The following TBC1D4 variants were observed in gnomAD, a reference collection of about 807,000 sequenced individuals.
TBC1D4 encodes the protein TBC (Tre-2, BUB2, CDC16) domain-containing protein.
Under a neutral mutation model 142.5 loss-of-function variants are expected in TBC1D4, and 121 were observed. The ratio of observed to expected loss-of-function variants is 0.85; its 90% CI spans 0.73 to 0.99. TBC1D4 has a LOEUF of 0.99. Among genes scored for constraint, TBC1D4 ranks in the 50% least tolerant of loss-of-function variants. TBC1D4 has a pLI of 0.00. For synonymous variants in TBC1D4, 630 were observed against 628.2 expected (o/e 1.00, Z -0.04); for missense variants, 1,475 against 1,606.6 (o/e 0.92, Z 1.40).
At chr13:75,375,346 A>T (rs968438525) in intron 1 of TBC1D4, among the ~76,000 whole-genome samples, 70 of 152,290 alleles carry the variant, frequency 4.6e-4, no homozygotes, top group African/African-American at 1.6e-3. Context: ...CACATAGGTG[A>T]TAGTTTTCAC....
intron 1 of TBC1D4, among the ~76,000 whole-genome samples, chr13:75,369,380 T>G: frequency 6.6e-6 from 1 of 152,000 alleles, no homozygotes; most frequent in Non-Finnish European, 1.5e-5. Flanking sequence ...TAGCCCCAGC[T>G]AGTTAGGAAG....
At chr13:75,364,515 C>A (rs1274467835) in intron 1 of TBC1D4, among the ~76,000 whole-genome samples, 1 of 152,248 alleles carries the variant, frequency 6.6e-6, no homozygotes, top group Non-Finnish European at 1.5e-5. Flanking sequence ...GTCTCAGGGA[C>A]AAAGTCAGGT....
intron 1 of TBC1D4, among the ~76,000 whole-genome samples, chr13:75,458,880 G>C (rs1887848718): frequency 6.6e-6 from 1 of 151,932 alleles, no homozygotes; most frequent in Admixed American, 6.6e-5. Context: ...GTCTCTGCTT[G>C]GCCTTCCCTT....
chr13:75,414,954 T>C (rs1280551841), intron 1 of TBC1D4, among the ~76,000 whole-genome samples: 1 of 151,390 alleles, frequency 6.6e-6, no homozygotes, highest in Non-Finnish European at 1.5e-5. Flanking sequence ...TAAAACCCCA[T>C]CTCTACTAAA....
At chr13:75,305,673 A>G (rs1395379958) in intron 15 of TBC1D4, among the ~76,000 whole-genome samples, 1 of 152,188 alleles carries the variant, frequency 6.6e-6, no homozygotes, top group Non-Finnish European at 1.5e-5. Flanking sequence ...TTTTACACCC[A>G]CAGTTTATGC....
intron 1 of TBC1D4, among the ~76,000 whole-genome samples, chr13:75,433,743 C>A (rs184481710): frequency 3.0e-4 from 46 of 152,050 alleles, no homozygotes; most frequent in African/African-American, 8.9e-4. Flanking sequence ...CCTATGAATG[C>A]GAAAAAATAT....
intron 14 of TBC1D4, among the ~76,000 whole-genome samples, chr13:75,308,885 G>A (rs1455244167): frequency 8.6e-5 from 13 of 152,010 alleles, no homozygotes; most frequent in Non-Finnish European, 1.6e-4. Flanking sequence ...TGCTAACAGC[G>A]ATTTTAAAAA....
intron 1 of TBC1D4, among the ~76,000 whole-genome samples, chr13:75,438,201 C>T (rs1408435728): frequency 6.6e-6 from 1 of 152,108 alleles, no homozygotes; most frequent in Non-Finnish European, 1.5e-5. Context: ...GTTCATATAC[C>T]GTTAATTACA....
chr13:75,298,657 G>A (rs908071489), intron 17 of TBC1D4, among the ~76,000 whole-genome samples: 1 of 152,210 alleles, frequency 6.6e-6, no homozygotes, highest in Non-Finnish European at 1.5e-5. Context: ...GGAGGCTGAG[G>A]CAGCAGAATG....
At chr13:75,413,885 A>T (rs1398343919) in intron 1 of TBC1D4, among the ~76,000 whole-genome samples, 12 of 151,972 alleles carry the variant, frequency 7.9e-5, no homozygotes. Flanking sequence ...AAAACCAAAC[A>T]TGGTTCTCCT....
intron 4 of TBC1D4, among the ~76,000 whole-genome samples, chr13:75,355,766 T>A (rs1169962345): frequency 6.6e-6 from 1 of 152,250 alleles, no homozygotes; most frequent in African/African-American, 2.4e-5. Flanking sequence ...TCTGTTCTGC[T>A]GATATAAGCA....
chr13:75,361,995 G>T lies in TBC1D4; in HGVS notation c.1080+31C>A, dbSNP rs376119493. The T allele has an allele frequency of 2.9e-5, 46 of 1,613,280 alleles. No homozygotes were observed. In the African/African-American group the frequency reaches 5.5e-4, roughly 19 times the overall value. ...CTACTTCCATCTGGCACCTTTTGGG[G>T]CAAGGGCAGACAGCGTCCGATCAGG... On this transcript the variant is annotated intron_variant, in intron 2 of 20. Transcript: ENST00000377636.
At chr13:75,410,127 C>T (rs188277125) in intron 1 of TBC1D4, among the ~76,000 whole-genome samples, 6 of 152,240 alleles carry the variant, frequency 3.9e-5, no homozygotes, top group South Asian at 2.1e-4. Flanking sequence ...ACGTAAATAA[C>T]GGTGTATGCT....
intron 1 of TBC1D4, among the ~76,000 whole-genome samples, chr13:75,377,688 C>A (rs1223128516): frequency 5.5e-4 from 79 of 142,426 alleles, no homozygotes; most frequent in Non-Finnish European, 6.1e-5. Context: ...TCTGATTGGT[C>A]TTTTAAATAT....
chr13:75,326,796 T>C (rs371848153), intron 9 of TBC1D4, among the ~76,000 whole-genome samples: 1 of 152,106 alleles, frequency 6.6e-6, no homozygotes, highest in East Asian at 1.9e-4. Flanking sequence ...GCCAGAGAGA[T>C]GAAAAAAAGA....
At chr13:75,323,639 C>T (rs1273110221) in intron 11 of TBC1D4, among the ~76,000 whole-genome samples, 2 of 152,052 alleles carry the variant, frequency 1.3e-5, no homozygotes, top group African/African-American at 4.8e-5. Context: ...TTCAAGAGGT[C>T]GTTCACAAGA....
At position 75,362,479 on chromosome 13, in the gene TBC1D4, C is replaced by T. The variant is rs373127638; in HGVS notation, c.627G>A (p.Lys209=). 4.3e-6 allele frequency: 7 copies of T among 1,614,068 alleles called. No individual in the cohort carries two copies. The South Asian group carries it at 5.5e-5, about 13-fold the overall frequency. Residue 209 remains lysine, a synonymous_variant, in exon 2 of 21, where the codon AAG becomes AAA. Coordinates refer to ENST00000377636, the MANE Select transcript of TBC1D4 (RefSeq NM_014832.5). This position sits in a 1 kb window ranked among gnomAD's most constrained non-coding sequence, Gnocchi z 4.2. ...SQKFEVLYCG[K]VTVTHKKAPS... is the part of the protein sequence containing the mutation. ...GGGCCTTCTTGTGGGTCACGGTCACCTTTCCACAGTACAGGACTTCGAACT... is the reference window on the plus strand; with the variant it reads ...GGGCCTTCTTGTGGGTCACGGTCACTTTTCCACAGTACAGGACTTCGAACT...
At chr13:75,329,455 G>A (rs1486696750) in intron 8 of TBC1D4, among the ~76,000 whole-genome samples, 3 of 128,748 alleles carry the variant, frequency 2.3e-5, no homozygotes, top group Admixed American at 1.8e-4. Context: ...TCTCTCCCCC[G>A]CTTGTTTTTT....
chr13:75,477,170 C>G (rs1357369846), intron 1 of TBC1D4, among the ~76,000 whole-genome samples: 1 of 152,154 alleles, frequency 6.6e-6, no homozygotes, highest in African/African-American at 2.4e-5. Flanking sequence ...TTAGAAAGCA[C>G]AGAGAGGTGA....
Sources: gnomAD v4.1 joint callset for allele counts (sites outside exome capture counted in the v4.1 genomes callset) on GRCh38, gnomAD v4.1.1 for gene constraint, Gnocchi (gnomAD v3.1) non-coding constraint, MANE v1.5 for transcripts, NCBI Gene and HGNC (gene_info 2026-07-23, HGNC 2026-07-21) for gene names.